The following CPSF1 variants were observed in gnomAD, a reference collection of about 807,000 sequenced individuals.
CPSF1 encodes cleavage and polyadenylation specificity factor subunit 1.
Under a neutral mutation model 175.8 loss-of-function variants are expected in CPSF1, and 106 were observed. That is an observed-to-expected ratio of 0.60 (90% CI 0.52 to 0.71). CPSF1 has a LOEUF of 0.71. Among genes scored for constraint, CPSF1 ranks in the 30% least tolerant of loss-of-function variants. CPSF1 has a pLI of 0.00. For missense variants in CPSF1, 1,734 were observed against 2,022.9 expected, an observed-to-expected ratio of 0.86 and a Z score of 2.74; for synonymous variants, 1,024 against 858.3, an observed-to-expected ratio of 1.19 and a Z score of -3.37.
At chr8:144,408,386 C>T (rs1424650943) in intron 2 of CPSF1, among the ~76,000 whole-genome samples, 2 of 152,196 alleles carry the variant, frequency 1.3e-5, no homozygotes, top group Non-Finnish European at 2.9e-5. Context: ...AAGTTGCTTT[C>T]CTGGACCAGC....
At position 144,399,193 on chromosome 8, in the gene CPSF1, T is replaced by C. The variant is rs2116860093; in HGVS notation, c.1402A>G (p.Ser468Gly). ...LATYSFEVCDSILNIGPCANA... is the reference protein window; with the variant it reads ...LATYSFEVCDGILNIGPCANA... ...GCACAGGGTCCAATGTTCAGGATGC[T>C]GTCACACACCTGCGGCACAGCAAGA... Residue 468 changes from serine to glycine, a missense_variant, in exon 15 of 38, where the codon AGC becomes GGC. Ser to Gly is a moderately conservative substitution (Grantham distance 56, BLOSUM62 0). Around this residue, in one of 10 missense-constraint regions of CPSF1, gnomAD observed 280 missense variants for 349.2 expected, o/e 0.80. Transcript: ENST00000616140. This position sits in a 1 kb window ranked among gnomAD's most constrained non-coding sequence, Gnocchi z 6.4. 1 of 1,609,292 alleles carries C rather than the reference T, an allele frequency of 6.2e-7. No homozygotes were observed. Among genetic ancestry groups the C allele is most frequent in the East Asian group, 2.2e-5 (1 of 44,764 alleles).
intron 6 of CPSF1, 42 bp from the exon 7 acceptor site, chr8:144,400,859 G>A (rs2116879204): frequency 6.2e-7 from 1 of 1,609,158 alleles, no homozygotes; most frequent in Non-Finnish European, 8.5e-7. Flanking sequence ...GGGGAGGCGG[G>A]GAGGGGAGCT....
intron 26 of CPSF1, 110 bp downstream of exon 26, chr8:144,396,237 TC>T: frequency 3.5e-6 from 4 of 1,159,330 alleles, no homozygotes; most frequent in Non-Finnish European, 4.9e-6. Context: ...CTCTGGACAC[TC>T]CTTCCTGGTC....
intron 2 of CPSF1, among the ~76,000 whole-genome samples, chr8:144,408,518 G>A (rs1410715938): frequency 6.6e-6 from 1 of 152,176 alleles, no homozygotes; most frequent in Non-Finnish European, 1.5e-5. Flanking sequence ...TGTTCCTTGT[G>A]CTACCAATGT....
chr8:144,394,096 G>C lies in CPSF1; in HGVS notation c.3859+17C>G, dbSNP rs782219092. On this transcript the variant is annotated intron_variant, in intron 34 of 37. Transcript: ENST00000616140. ...CCCAGCCCCGGCCCAGGCAGAGGGG[G>C]TGGAGGAAGCACTCACCTTCGGGCA... 3.1e-6 allele frequency: 5 copies of C among 1,612,020 alleles called. No individual in the cohort carries two copies. In the African/African-American group the frequency reaches 6.7e-5, roughly 22 times the overall value.
At position 144,400,507 on chromosome 8, in the gene CPSF1, T is replaced by G. The variant is rs2116875733; in HGVS notation, c.687-14A>C. ...ACGGCCACGCGCCTGGGGACGCCAG[T>G]GGGTCAGCCAAGGGCCTTGCCTCCC... is the stretch of plus-strand genomic sequence containing the variant. On this transcript the variant is annotated splice_polypyrimidine_tract_variant and intron_variant, in intron 7 of 37. Transcript: ENST00000616140. The G allele has an allele frequency of 8.1e-6, 13 of 1,611,970 alleles. No homozygotes were observed. Among genetic ancestry groups the G allele is most frequent in the Admixed American group, 6.7e-5 (4 of 59,988 alleles).
At chr8:144,404,870 C>T (rs2116900227) in intron 2 of CPSF1, among the ~76,000 whole-genome samples, 2 of 151,620 alleles carry the variant, frequency 1.3e-5, no homozygotes, top group Middle Eastern at 6.8e-3. Flanking sequence ...TCCTGGCTAA[C>T]ACGGTGAAAC....
chr8:144,404,317 G>A (rs1435278290), intron 2 of CPSF1, among the ~76,000 whole-genome samples: 2 of 152,042 alleles, frequency 1.3e-5, no homozygotes, highest in Non-Finnish European at 2.9e-5. Context: ...AATATACAGA[G>A]ATCAACTGCA....
At position 144,399,097 on chromosome 8, in the gene CPSF1, T is replaced by TGCCCCCA. The variant is rs2116858768; in HGVS notation, c.1467+24_1467+30dup. On this transcript the variant is annotated intron_variant, in intron 15 of 37. Coordinates refer to ENST00000616140, the MANE Select transcript of CPSF1 (RefSeq NM_013291.3). The surrounding 1 kb of genome is among the most constrained non-coding windows in gnomAD (Gnocchi z 6.4). ...CCACCCCCCCTCACACTCCAGCCCC[T>TGCCCCCA]GCCCCCAGCCCCGACCCCAACCCTG... is the stretch of plus-strand genomic sequence containing the variant. 4.6e-5 allele frequency: 44 copies of TGCCCCCA among 951,358 alleles called. No homozygotes were observed. Among genetic ancestry groups the TGCCCCCA allele is most frequent in the Middle Eastern group, 3.5e-4 (1 of 2,868 alleles). The allele number at this position is 951,358 out of a possible 1,614,324, so 58.9% of individuals were successfully genotyped here.
At chr8:144,408,968 G>C in intron 2 of CPSF1, 47 bp downstream of exon 2, 1 of 1,598,302 alleles carries the variant, frequency 6.3e-7, no homozygotes, top group Non-Finnish European at 8.5e-7. Flanking sequence ...GGCGGTGAGA[G>C]CACCCACGTC....
chr8:144,398,169 C>A, intron 19 of CPSF1, 37 bp from the exon 20 acceptor site: 1 of 907,854 alleles, frequency 1.1e-6, no homozygotes, highest in Non-Finnish European at 1.5e-6. Context: ...GCCTCCCCAC[C>A]ACCGTCCCCA....
chr8:144,407,704 G>A (rs1554869501), intron 2 of CPSF1, among the ~76,000 whole-genome samples: 3 of 151,104 alleles, frequency 2.0e-5, no homozygotes, highest in Non-Finnish European at 4.4e-5. Flanking sequence ...GTCTCACCAG[G>A]AAAAACAAAA....
In CPSF1 at chr8:144,394,175, C is replaced by T. The variant is rs1554862620; in HGVS notation, c.3812-15G>A. ...GCGGTCAGACACTGGGGAGCAGAGG[C>T]CCAGGGTCAGCCCCGGCCACCCCCA... On this transcript the variant is annotated splice_polypyrimidine_tract_variant and intron_variant, in intron 33 of 37. Transcript: ENST00000616140. The T allele has an allele frequency of 2.7e-5, 44 of 1,612,534 alleles. No homozygotes were observed. The highest frequency in any genetic ancestry group is 3.7e-5 in the Non-Finnish European group (44 of 1,179,896).
At position 144,409,143 on chromosome 8, in the gene CPSF1, T is replaced by C; in HGVS notation, c.16A>G (p.Lys6Glu). 6.2e-7 allele frequency: 1 copy of C among 1,611,902 alleles called. No individual in the cohort carries two copies. Among genetic ancestry groups the C allele is most frequent in the South Asian group, 1.1e-5 (1 of 90,922 alleles). Residue 6 changes from lysine (K) to glutamate (E), a missense_variant, in exon 2 of 38, where the codon AAA (lysine) becomes GAA (glutamate). Around this residue, in one of 10 missense-constraint regions of CPSF1, gnomAD observed 126 missense variants for 117.9 expected, o/e 1.07. Coordinates refer to ENST00000616140, the MANE Select transcript of CPSF1 (RefSeq NM_013291.3). MYAVY[K>E]QAHPPTGLEF... ...AGACCGGTGGGCGGATGCGCCTGTT[T>C]GTACACGGCGTACATGGCGCCAACC... is the stretch of plus-strand genomic sequence containing the variant.
intron 19 of CPSF1, 48 bp downstream of exon 19, chr8:144,398,254 T>G: frequency 6.5e-6 from 4 of 614,640 alleles, no homozygotes; most frequent in Non-Finnish European, 9.1e-6. Flanking sequence ...CCCACCTACC[T>G]CCTTCCAGCA....
At position 144,399,510 on chromosome 8, in the gene CPSF1, G is replaced by T; in HGVS notation, c.1243-7C>A. ...TCTTTGAGGGAGGCTCTTCCTGTGA[G>T]GCAGGAGGGGCACTGAGTGGCATGC... On this transcript the variant is annotated splice_polypyrimidine_tract_variant and splice_region_variant and intron_variant, in intron 12 of 37. Coordinates refer to ENST00000616140, the MANE Select transcript of CPSF1 (RefSeq NM_013291.3). This position sits in a 1 kb window ranked among gnomAD's most constrained non-coding sequence, Gnocchi z 6.4. 1 of 1,612,642 alleles carries T rather than the reference G, an allele frequency of 6.2e-7. No individual in the cohort carries two copies. Among genetic ancestry groups the T allele is most frequent in the Non-Finnish European group, 8.5e-7 (1 of 1,179,774 alleles).
Position 144,399,798 on chromosome 8 carries a change from T to C in CPSF1, c.1102A>G (p.Ser368Gly). Reference sequence around the variant, plus strand: ...CAACTCACGCTGGTGGTGAGGACGCTGGCGGCCGCCTTGTCAAAGTGGAAC... The same window carrying C: ...CAACTCACGCTGGTGGTGAGGACGCCGGCGGCCGCCTTGTCAAAGTGGAAC... ...RAFHFDKAAA[S>G]VLTTSMVTME... Residue 368 changes from serine to glycine, a missense_variant, in exon 11 of 38, where the codon AGC (serine) becomes GGC (glycine). By Grantham distance (56) the Ser-to-Gly change is moderately conservative. Around this residue, in one of 10 missense-constraint regions of CPSF1, gnomAD observed 162 missense variants for 169.5 expected, o/e 0.96. Coordinates refer to ENST00000616140, the MANE Select transcript of CPSF1 (RefSeq NM_013291.3). This position sits in a 1 kb window ranked among gnomAD's most constrained non-coding sequence, Gnocchi z 6.4. 1.3e-6 allele frequency: 2 copies of C among 1,565,450 alleles called. No homozygotes were observed. Among genetic ancestry groups the C allele is most frequent in the South Asian group, 2.3e-5 (2 of 85,514 alleles).
At position 144,398,777 on chromosome 8, in the gene CPSF1, ACCT is replaced by A. The variant is rs1321162482; in HGVS notation, c.1637_1638+1del. ...GCCTCCCTGCAGCAGGCTCGCACCT[ACCT>A]CCTCCTTACGCACCGGGGCGATGAC... is the stretch of plus-strand genomic sequence containing the variant. On this transcript the variant is annotated splice_donor_variant and coding_sequence_variant, in exon 17 of 38. Coordinates refer to ENST00000616140, the MANE Select transcript of CPSF1 (RefSeq NM_013291.3). LOFTEE classifies it high-confidence loss of function. The A allele has an allele frequency of 2.9e-5, 46 of 1,595,042 alleles. No individual in the cohort carries two copies. Among genetic ancestry groups the A allele is most frequent in the Non-Finnish European group, 3.7e-5 (43 of 1,167,946 alleles).
At chr8:144,404,370 ATTTT>A (rs782314217) in intron 2 of CPSF1, among the ~76,000 whole-genome samples, 5 of 146,432 alleles carry the variant, frequency 3.4e-5, no homozygotes, top group Non-Finnish European at 4.5e-5. Context: ...ACTCAGAAGA[ATTTT>A]TTTTTTTTTT....
Sources: allele counts gnomAD v4.1 joint callset (sites outside exome capture counted in the v4.1 genomes callset), GRCh38; gene constraint gnomAD v4.1.1; regional missense constraint gnomAD v4.1.1; non-coding constraint Gnocchi (gnomAD v3.1); transcripts MANE v1.5; gene names NCBI Gene and HGNC (gene_info 2026-07-23, HGNC 2026-07-21).